ATG16L2: variants seen among roughly 807,000 people sequenced by gnomAD.
The protein encoded by ATG16L2 is autophagy related 16 like 2.
In ATG16L2, 77 loss-of-function variants were observed where a neutral mutation model predicts 84.7. That is an observed-to-expected ratio of 0.91 (90% CI 0.76 to 1.10). The LOEUF (loss-of-function observed/expected upper bound fraction) is 1.10, where lower values mean the gene tolerates loss of function less well. Among genes scored for constraint, ATG16L2 ranks in the 50% least tolerant of loss-of-function variants. The pLI is 0.00. For synonymous variants in ATG16L2, 361 were observed against 342.8 expected, an observed-to-expected ratio of 1.05 and a Z score of -0.59; for missense variants, 782 against 817.6, an observed-to-expected ratio of 0.96 and a Z score of 0.53.
At chr11:72,821,569 G>A (rs1352377272) in intron 3 of ATG16L2, 99 bp from the exon 4 acceptor site, 1 of 1,490,554 alleles carries the variant, frequency 6.7e-7, no homozygotes, top group Non-Finnish European at 8.9e-7. Context: ...GGAAGGGGGC[G>A]GGCAGGTGAG....
chr11:72,816,907 T>C, intron 2 of ATG16L2, 80 bp downstream of exon 2: 3 of 1,030,504 alleles, frequency 2.9e-6, no homozygotes, highest in Non-Finnish European at 4.2e-6. Flanking sequence ...GGGTTCATTC[T>C]CTCCCTAGTG....
exon 6 of ATG16L2, chr11:72,842,854 A>G: frequency 6.2e-7 from 1 of 1,602,814 alleles, no homozygotes; most frequent in South Asian, 1.1e-5. Context: ...AGGGAGCAAG[A>G]GAAAAACAAA....
At position 72,825,402 on chromosome 11, in the gene ATG16L2, T is replaced by C; in HGVS notation, c.1097T>C (p.Val366Ala). 6.2e-7 allele frequency: 1 copy of C among 1,611,724 alleles called. No homozygotes were observed. Among genetic ancestry groups the C allele is most frequent in the Non-Finnish European group, 8.5e-7 (1 of 1,179,886 alleles). The change falls in exon 10 of 18, where the codon GTG becomes GCG. Residue 366 changes from valine to alanine, a missense_variant. Transcript: ENST00000321297. ...ADRLIHLWNV[V>A]GSRLEANQTL... ...CGCCTGATCCACCTCTGGAATGTTG[T>C]GGGAAGTAAGGAGCCCTCCCCTGCC...
At chr11:72,826,962 A>G (rs1860399498) in intron 13 of ATG16L2, 139 bp downstream of exon 13, 1 of 1,035,462 alleles carries the variant, frequency 9.7e-7, no homozygotes, top group East Asian at 2.6e-5. Flanking sequence ...AAGGCCCTCC[A>G]ATTCCCTAAT....
chr11:72,828,580 C>T, intron 15 of ATG16L2, 72 bp downstream of exon 15: 3 of 1,604,234 alleles, frequency 1.9e-6, no homozygotes, highest in Non-Finnish European at 2.6e-6. Context: ...CTGTAATAGA[C>T]CCTCTTGGAG....
chr11:72,842,990 T>C (rs1861008111), exon 6 of ATG16L2: 2 of 867,112 alleles, frequency 2.3e-6, no homozygotes, highest in Non-Finnish European at 3.5e-6. Context: ...AATGATTAAC[T>C]TTAGGGTTCT....
intron 5 of ATG16L2, chr11:72,836,755 T>A (rs1387064656): frequency 1.3e-5 from 2 of 152,666 alleles, no homozygotes; most frequent in Non-Finnish European, 2.9e-5. Flanking sequence ...TAATTCCATT[T>A]TTTTTATTAT....
chr11:72,821,062 TG>T, intron 3 of ATG16L2: 1 of 262,828 alleles, frequency 3.8e-6, no homozygotes, highest in Non-Finnish European at 5.9e-6. Context: ...CAGGGAGGGG[TG>T]GGGAACAGAA....
rs910035161 is a variant in ATG16L2 at position 72,824,727 on chromosome 11, AC to A, written c.888-3del. The A allele has an allele frequency of 8.7e-6, 14 of 1,611,372 alleles. No homozygotes were observed. Among genetic ancestry groups the A allele is most frequent in the Non-Finnish European group, 1.2e-5 (14 of 1,178,104 alleles). On this transcript the variant is annotated splice_polypyrimidine_tract_variant and splice_region_variant and intron_variant, in intron 8 of 17. Transcript: ENST00000321297. ...TGCCCTCCTGACCCCAACCCACCTT[AC>A]CCCAGTTTTAAGAAGAGGAGAGGTC...
rs780531630 is a variant in ATG16L2 at position 72,828,368 on chromosome 11, C to A, written c.1482C>A (p.His494Gln). The A allele has an allele frequency of 6.2e-6, 10 of 1,614,002 alleles. No individual in the cohort carries two copies. Among genetic ancestry groups the A allele is most frequent in the Non-Finnish European group, 8.5e-6 (10 of 1,179,994 alleles). ...KIRFWDSRGP[H>Q]CTQVIPVQGR... ...TGTCCTTGTTCCTCAGGGGGCCCCA[C>A]TGCACCCAGGTCATCCCTGTGCAGG... Residue 494 changes from histidine (H) to glutamine (Q), a missense_variant, in exon 15 of 18, where the codon CAC (histidine) becomes CAA (glutamine). Coordinates refer to ENST00000321297, the MANE Select transcript of ATG16L2 (RefSeq NM_033388.2).
At chr11:72,817,043 T>C (rs1175746639) in intron 2 of ATG16L2, among the ~76,000 whole-genome samples, 13 of 152,136 alleles carry the variant, frequency 8.5e-5, no homozygotes, top group Non-Finnish European at 1.9e-4. Flanking sequence ...CCTCCACCTT[T>C]CTTTGTCCAT....
intron 3 of ATG16L2, among the ~76,000 whole-genome samples, chr11:72,819,891 G>A (rs977056200): frequency 7.2e-5 from 11 of 151,898 alleles, no homozygotes; most frequent in African/African-American, 1.9e-4. Context: ...GACTACAGGC[G>A]CCCGCCACCA....
At chr11:72,841,204 C>T (rs1193497406) in intron 5 of ATG16L2, among the ~76,000 whole-genome samples, 1 of 151,684 alleles carries the variant, frequency 6.6e-6, no homozygotes, top group African/African-American at 2.4e-5. Flanking sequence ...TGTGGTGGTG[C>T]ATGCCTGTAT....
In ATG16L2 at chr11:72,841,107, G is replaced by A. The variant is rs1860915663; in HGVS notation, c.*22-1510G>A. On this transcript the variant is annotated intron_variant, in intron 5 of 5. Transcript: ENST00000534905. ...TACTTGAGGCCAGAAGTTCAAGGCT[G>A]CAGTGAGCTATGATCCCACCACTGC... 24 of 665,898 alleles carry A rather than the reference G, an allele frequency of 3.6e-5. 1 individual carries two copies. In the South Asian group the frequency reaches 4.0e-4, roughly 11 times the overall value. The allele number at this position is 665,898 out of a possible 1,614,324, so 41.2% of individuals were successfully genotyped here.
chr11:72,836,000 G>A (rs888370435), intron 5 of ATG16L2, among the ~76,000 whole-genome samples: 14 of 152,076 alleles, frequency 9.2e-5, no homozygotes, highest in East Asian at 3.9e-4. Context: ...TGCCCGCCTC[G>A]GCCTCCCAAA....
intron 7 of ATG16L2, chr11:72,823,353 A>T (rs1860127233): frequency 6.0e-6 from 2 of 334,842 alleles, no homozygotes; most frequent in South Asian, 4.9e-5. Context: ...AGGTGTGTAC[A>T]AGCTTGACTG....
chr11:72,825,169 C>G lies in ATG16L2; in HGVS notation c.997-133C>G, dbSNP rs1013503098. ...CCGGGTTTGAAACTCAGAGTGTGGACAGAGAAACTGGGGAGGGAGATACCA... is the reference window on the plus strand; with the variant it reads ...CCGGGTTTGAAACTCAGAGTGTGGAGAGAGAAACTGGGGAGGGAGATACCA... On this transcript the variant is annotated intron_variant, in intron 9 of 17. Transcript: ENST00000321297. 12 of 702,400 alleles carry G rather than the reference C, an allele frequency of 1.7e-5. No individual in the cohort carries two copies. In the African/African-American group the frequency reaches 1.9e-4, roughly 11 times the overall value. The allele number at this position is 702,400 out of a possible 1,614,324, so 43.5% of individuals were successfully genotyped here. A position where few individuals can be genotyped will look rare whatever the true frequency, so the allele number is the denominator to read the frequency against.
chr11:72,825,186 G>A, intron 9 of ATG16L2, 116 bp from the exon 10 acceptor site: 1 of 763,730 alleles, frequency 1.3e-6, no homozygotes. Context: ...ACTGGGGAGG[G>A]AGATACCACG....
At chr11:72,832,685 T>A (rs1291616492), downstream of ATG16L2, among the ~76,000 whole-genome samples, 1 of 152,196 alleles carries the variant, frequency 6.6e-6, no homozygotes, top group Non-Finnish European at 1.5e-5. Flanking sequence ...TGGCCCGCAC[T>A]CATGGGTATA....
Sources: allele counts gnomAD v4.1 joint callset (sites outside exome capture counted in the v4.1 genomes callset), GRCh38; gene constraint gnomAD v4.1.1; transcripts MANE v1.5; gene names NCBI Gene and HGNC (gene_info 2026-07-23, HGNC 2026-07-21).